GPD1L: variants seen among roughly 807,000 people sequenced by gnomAD.
GPD1L encodes glycerol-3-phosphate dehydrogenase 1-like protein.
A neutral mutation model predicts 32.9 loss-of-function variants in GPD1L; 17 were observed. That is an observed-to-expected ratio of 0.52 (90% CI 0.35 to 0.78). GPD1L has a LOEUF of 0.78. Ranked by LOEUF, GPD1L falls within the 30% of genes least tolerant of loss-of-function variation. The pLI, the probability that GPD1L is intolerant of heterozygous loss-of-function variation, is 0.01. For synonymous variants in GPD1L, 187 were observed against 165.9 expected, an observed-to-expected ratio of 1.13 and a Z score of -0.98; for missense variants, 361 against 447.8, an observed-to-expected ratio of 0.81 and a Z score of 1.75.
intron 1 of GPD1L, among the ~76,000 whole-genome samples, chr3:32,115,037 A>G (rs1178330598): frequency 1.3e-5 from 2 of 152,224 alleles, no homozygotes; most frequent in African/African-American, 4.8e-5. Flanking sequence ...GCATCCACGG[A>G]GTAGAAGGAG....
intron 5 of GPD1L, among the ~76,000 whole-genome samples, chr3:32,157,835 T>C (rs1440832611): frequency 6.6e-6 from 1 of 152,208 alleles, no homozygotes; most frequent in Admixed American, 6.5e-5. Context: ...TTGGCCTAGA[T>C]TGCCAGCCCC....
At chr3:32,140,017 G>A (rs1351703730) in intron 3 of GPD1L, among the ~76,000 whole-genome samples, 1 of 152,192 alleles carries the variant, frequency 6.6e-6, no homozygotes, top group African/African-American at 2.4e-5. Context: ...CTTCAGTGGT[G>A]TCAGTCACGT....
At chr3:32,116,134 A>C (rs1379029583) in intron 1 of GPD1L, among the ~76,000 whole-genome samples, 1 of 152,042 alleles carries the variant, frequency 6.6e-6, no homozygotes, top group Non-Finnish European at 1.5e-5. Flanking sequence ...CCACCCAGTG[A>C]GAGGAAGTGC....
intron 1 of GPD1L, among the ~76,000 whole-genome samples, chr3:32,127,253 G>A (rs1451519): frequency 0.038 from 5,754 of 152,164 alleles, 366 homozygotes; most frequent in African/African-American, 0.13. Flanking sequence ...TGCTCCTCAC[G>A]CCAGGAAGGT....
chr3:32,127,994 A>G (rs1008259343), intron 1 of GPD1L, 82 bp from the exon 2 acceptor site: 2 of 940,862 alleles, frequency 2.1e-6, no homozygotes, highest in East Asian at 5.1e-5. Context: ...TCAAAACACA[A>G]GTCTTCTGAA....
rs1350072379 is a variant in GPD1L at position 32,167,405 on chromosome 3, T to C, written c.*1495T>C. On this transcript the variant is annotated 3_prime_UTR_variant, in exon 8 of 8. Coordinates refer to ENST00000282541, the MANE Select transcript of GPD1L (RefSeq NM_015141.4). ...ACCTTAGGATCACTCAAGTAGACCC[T>C]TCACTCCCTGCGAGAAATTAGGATG... 6.6e-6 allele frequency: 1 copy of C among 152,608 alleles called. No individual in the cohort carries two copies. The highest frequency in any genetic ancestry group is 1.9e-4 in the East Asian group (1 of 5,188). The allele number at this position is 152,608 out of a possible 1,614,324, so 9.5% of individuals were successfully genotyped here. A position where few individuals can be genotyped will look rare whatever the true frequency, so the allele number is the denominator to read the frequency against.
intron 5 of GPD1L, among the ~76,000 whole-genome samples, chr3:32,148,149 A>T (rs1307099180): frequency 3.3e-5 from 5 of 152,314 alleles, no homozygotes; most frequent in Non-Finnish European, 7.3e-5. Flanking sequence ...TGAATGCCTA[A>T]TTGCTCAGTG....
Position 32,167,865 on chromosome 3 carries a change from A to G in GPD1L, c.*1955A>G, listed in dbSNP as rs1288092148. The G allele has an allele frequency of 6.6e-6, 1 of 152,206 alleles. No homozygotes were observed. The highest frequency in any genetic ancestry group is 1.9e-4 in the East Asian group (1 of 5,200). 9.4% of individuals were successfully genotyped at this position (152,206 alleles called of 1,614,324 possible). ...AAAGCCCCATACACAGAAGTATACGAAAGCACACAAAACACTCCAAGTTTC... is the reference window on the plus strand; with the variant it reads ...AAAGCCCCATACACAGAAGTATACGGAAGCACACAAAACACTCCAAGTTTC... On this transcript the variant is annotated 3_prime_UTR_variant, in exon 8 of 8. Transcript: ENST00000282541.
rs149423801 is a variant in GPD1L at position 32,140,440 on chromosome 3, T to C, written c.505+74T>C. ...GAACATGTACATATTCCATTTCTGATATTTTCTGTAATAGACTCTTCCCTG... is the reference window on the plus strand; with the variant it reads ...GAACATGTACATATTCCATTTCTGACATTTTCTGTAATAGACTCTTCCCTG... On this transcript the variant is annotated intron_variant, in intron 4 of 7. Transcript: ENST00000282541. The C allele has an allele frequency of 3.6e-4, 537 of 1,511,744 alleles. 3 individuals carry two copies. The African/African-American group carries it at 6.5e-3, about 18-fold the overall frequency. The allele number at this position is 1,511,744 out of a possible 1,614,324, so 93.6% of individuals were successfully genotyped here.
chr3:32,155,457 A>G (rs1332073844), intron 5 of GPD1L, among the ~76,000 whole-genome samples: 1 of 152,202 alleles, frequency 6.6e-6, no homozygotes, highest in Non-Finnish European at 1.5e-5. Context: ...CATTCAGCCC[A>G]TAGACATTTC....
chr3:32,152,382 C>A (rs1366647234), intron 5 of GPD1L, among the ~76,000 whole-genome samples: 1 of 152,144 alleles, frequency 6.6e-6, no homozygotes, highest in East Asian at 1.9e-4. Flanking sequence ...ACACTTGAGA[C>A]TGGGTGATTT....
At chr3:32,113,276 A>T (rs1405831199) in intron 1 of GPD1L, among the ~76,000 whole-genome samples, 1 of 152,220 alleles carries the variant, frequency 6.6e-6, no homozygotes, top group African/African-American at 2.4e-5. Flanking sequence ...TTGTATGTGA[A>T]GAAAAATCTT....
intron 4 of GPD1L, among the ~76,000 whole-genome samples, chr3:32,144,385 C>A (rs958519899): frequency 2.6e-5 from 4 of 152,202 alleles, no homozygotes; most frequent in Admixed American, 1.3e-4. Flanking sequence ...AAATATTTTT[C>A]AAACCCTCTT....
intron 7 of GPD1L, among the ~76,000 whole-genome samples, chr3:32,163,462 C>T (rs1218046151): frequency 6.6e-6 from 1 of 152,148 alleles, no homozygotes; most frequent in Admixed American, 6.5e-5. Context: ...GCCAGCACAC[C>T]CAGGCCTCTG....
At chr3:32,115,448 C>A (rs9860638) in intron 1 of GPD1L, among the ~76,000 whole-genome samples, 1 of 151,998 alleles carries the variant, frequency 6.6e-6, no homozygotes, top group Admixed American at 6.6e-5. Flanking sequence ...GCTGGCTTCA[C>A]CTCTCATTAT....
chr3:32,160,215 G>C (rs1190678854), intron 7 of GPD1L, among the ~76,000 whole-genome samples: 2 of 150,198 alleles, frequency 1.3e-5, no homozygotes, highest in Non-Finnish European at 3.0e-5. Context: ...ATGATGGGTG[G>C]GTGGGTTGGC....
intron 5 of GPD1L, among the ~76,000 whole-genome samples, chr3:32,147,879 A>C (rs1249752913): frequency 6.6e-6 from 1 of 152,170 alleles, no homozygotes; most frequent in African/African-American, 2.4e-5. Flanking sequence ...CATTGTGTAT[A>C]TATGTGTGGT....
intron 5 of GPD1L, among the ~76,000 whole-genome samples, chr3:32,155,393 T>C (rs574534969): frequency 2.6e-5 from 4 of 152,142 alleles, no homozygotes; most frequent in South Asian, 2.1e-4. Context: ...AATAAGTGCC[T>C]CCCCTCCTCT....
intron 1 of GPD1L, among the ~76,000 whole-genome samples, chr3:32,116,815 G>A (rs768375642): frequency 3.8e-4 from 58 of 152,124 alleles, no homozygotes; most frequent in Non-Finnish European, 6.9e-4. Context: ...GGACTATCCC[G>A]GTTAACCCCT....
Sources: allele counts gnomAD v4.1 joint callset (sites outside exome capture counted in the v4.1 genomes callset), GRCh38; gene constraint gnomAD v4.1.1; transcripts MANE v1.5; gene names NCBI Gene and HGNC (gene_info 2026-07-23, HGNC 2026-07-21).